The following SH2D2A variants were observed in gnomAD, a reference collection of about 807,000 sequenced individuals.
The protein encoded by SH2D2A is SH2 domain-containing protein 2A.
Under a neutral mutation model 43.6 loss-of-function variants are expected in SH2D2A, and 33 were observed. The ratio of observed to expected loss-of-function variants is 0.76; its 90% CI spans 0.57 to 1.01. SH2D2A has a LOEUF of 1.01. SH2D2A is among the 50% of genes least tolerant of loss of function. SH2D2A has a pLI of 0.00. For missense variants in SH2D2A, 491 were observed against 503.1 expected (o/e 0.98, Z 0.23); for synonymous variants, 212 against 206.1 (o/e 1.03, Z -0.25).
Position 156,813,867 on chromosome 1 carries a change from G to T in SH2D2A, c.548C>A (p.Thr183Asn). Residue 183 changes from threonine to asparagine, a missense_variant, in exon 5 of 9, where the codon ACC becomes AAC. Transcript: ENST00000368199. ...GCGTACCTGTCGGGCGAGGGGCTCG[G>T]TGAGCGTCTCCCCGTAGGGGCTGAG... ...HPLSPYGETL[T>N]EPLARQTPEP... The T allele has an allele frequency of 6.6e-7, 1 of 1,508,326 alleles. No individual in the cohort carries two copies. Among genetic ancestry groups the T allele is most frequent in the Non-Finnish European group, 8.9e-7 (1 of 1,129,280 alleles). The allele number at this position is 1,508,326 out of a possible 1,614,324, so 93.4% of individuals were successfully genotyped here.
At chr1:156,814,421 G>T (rs1347931985) in intron 3 of SH2D2A, 127 bp from the exon 4 acceptor site, 2 of 1,475,642 alleles carry the variant, frequency 1.4e-6, no homozygotes, top group South Asian at 2.7e-5. Flanking sequence ...AGAAAGGCTA[G>T]GGCGGAGATG....
chr1:156,809,086 T>C lies in SH2D2A; in HGVS notation c.1002+117A>G, dbSNP rs1353583688. ...ATCATTCTGTTCTTCCCACATCACC[T>C]CACACCTCTGCCCCTTACCCTGCCC... On this transcript the variant is annotated intron_variant, in intron 7 of 8. Coordinates refer to ENST00000368199, the MANE Select transcript of SH2D2A (RefSeq NM_003975.4). This position sits in a 1 kb window ranked among gnomAD's most constrained non-coding sequence, Gnocchi z 4.8. 3 of 1,077,674 alleles carry C rather than the reference T, an allele frequency of 2.8e-6. No individual in the cohort carries two copies. The highest frequency in any genetic ancestry group is 4.1e-6 in the Non-Finnish European group (3 of 738,344). The allele number at this position is 1,077,674 out of a possible 1,614,324, so 66.8% of individuals were successfully genotyped here.
Position 156,816,218 on chromosome 1 carries a change from C to T in SH2D2A, c.35-124G>A, listed in dbSNP as rs572715724. ...GGGACAGTCTTAACGACAGGAAAAA[C>T]GCAGAAGGGCAGCAGGGGAGTTTCT... is the stretch of plus-strand genomic sequence containing the variant. On this transcript the variant is annotated intron_variant, in intron 1 of 8. Transcript: ENST00000368199. 2.0e-3 allele frequency: 2,842 copies of T among 1,429,820 alleles called. 2 individuals are homozygous for T. Among genetic ancestry groups the T allele is most frequent in the Non-Finnish European group, 2.4e-3 (2,623 of 1,080,850 alleles). The allele number at this position is 1,429,820 out of a possible 1,614,324, so 88.6% of individuals were successfully genotyped here.
rs1259602372 is a variant in SH2D2A at position 156,814,019 on chromosome 1, G to A, written c.399-3C>T. On this transcript the variant is annotated splice_region_variant and splice_polypyrimidine_tract_variant and intron_variant, in intron 4 of 8. Transcript: ENST00000368199. ...AGTGGCGGCAGCAAGTCCGGCTCCT[G>A]GAGGGCGCCGTTAGGGATCAGACTA... The A allele has an allele frequency of 6.7e-7, 1 of 1,503,382 alleles. No homozygotes were observed. The highest frequency in any genetic ancestry group is 8.9e-7 in the Non-Finnish European group (1 of 1,125,056). The allele number at this position is 1,503,382 out of a possible 1,614,324, so 93.1% of individuals were successfully genotyped here.
At chr1:156,815,486 C>A in intron 2 of SH2D2A, 1 of 592,250 alleles carries the variant, frequency 1.7e-6, no homozygotes, top group Non-Finnish European at 3.0e-6. Flanking sequence ...ACACTGTGCT[C>A]TAGGAGGGGC....
In SH2D2A at chr1:156,809,614, C is replaced by G. The variant is rs763664896; in HGVS notation, c.714+47G>C. On this transcript the variant is annotated intron_variant, in intron 6 of 8. Transcript: ENST00000368199. This position sits in a 1 kb window ranked among gnomAD's most constrained non-coding sequence, Gnocchi z 4.8. ...CTCCTCCTCCCCGCTGCCTGCACCC[C>G]CTCGCAGGCCTGTCCTCCCACTCCC... 9.5e-6 allele frequency: 15 copies of G among 1,575,926 alleles called. No individual in the cohort carries two copies. The South Asian group carries it at 1.8e-4, about 18-fold the overall frequency.
rs1312123796 is a variant in SH2D2A at position 156,807,520 on chromosome 1, T to A, written c.1003-175A>T. On this transcript the variant is annotated intron_variant, in intron 7 of 8. Coordinates refer to ENST00000368199, the MANE Select transcript of SH2D2A (RefSeq NM_003975.4). This position sits in a 1 kb window ranked among gnomAD's most constrained non-coding sequence, Gnocchi z 5.1. Reference sequence around the variant, plus strand: ...TGAGCACCTGCTCTGTGCCAGGCACTGGGCTGGGTGCTTTGGAAACAGATG... The same window carrying A: ...TGAGCACCTGCTCTGTGCCAGGCACAGGGCTGGGTGCTTTGGAAACAGATG... Among the ~76,000 whole-genome samples the A allele has an allele frequency of 6.6e-6, 1 of 152,246 alleles. No homozygotes were observed. Among genetic ancestry groups the A allele is most frequent in the African/African-American group, 2.4e-5 (1 of 41,460 alleles).
chr1:156,812,966 G>A lies in SH2D2A; in HGVS notation c.567+882C>T, dbSNP rs564772866. On this transcript the variant is annotated intron_variant, in intron 5 of 8. Transcript: ENST00000368199. ...TCAGCACTGCCTGAACTTGTGCACCGCTGCCTGCTAGGCTAAATGGTACCC... is the reference window on the plus strand; with the variant it reads ...TCAGCACTGCCTGAACTTGTGCACCACTGCCTGCTAGGCTAAATGGTACCC... Among the ~76,000 whole-genome samples the A allele has an allele frequency of 1.6e-4, 25 of 152,272 alleles. No individual in the cohort carries two copies. The South Asian group carries it at 4.8e-3, about 29-fold the overall frequency.
At position 156,809,059 on chromosome 1, in the gene SH2D2A, G is replaced by A; in HGVS notation, c.1002+144C>T. 1.2e-6 allele frequency: 1 copy of A among 854,772 alleles called. No homozygotes were observed. The highest frequency in any genetic ancestry group is 1.8e-6 in the Non-Finnish European group (1 of 552,490). The allele number at this position is 854,772 out of a possible 1,614,324, so 52.9% of individuals were successfully genotyped here. A position where few individuals can be genotyped will look rare whatever the true frequency, so the allele number is the denominator to read the frequency against. ...GCCTGGAGAAGGGAGGCTGGTGCCT[G>A]GATCATTCTGTTCTTCCCACATCAC... On this transcript the variant is annotated intron_variant, in intron 7 of 8. Transcript: ENST00000368199. This position sits in a 1 kb window ranked among gnomAD's most constrained non-coding sequence, Gnocchi z 4.8.
rs1653705418 is a variant in SH2D2A at position 156,814,523 on chromosome 1, C to T, written c.309-229G>A. On this transcript the variant is annotated intron_variant, in intron 3 of 8. Coordinates refer to ENST00000368199, the MANE Select transcript of SH2D2A (RefSeq NM_003975.4). ...CCCATTCAGGAGACCCCCGCATCCT[C>T]CCCTGGCCTCATCCTGAAAGGGCAG... The T allele has an allele frequency of 4.3e-6, 3 of 700,776 alleles. No homozygotes were observed. In the South Asian group the frequency reaches 6.6e-5, roughly 15 times the overall value. The allele number at this position is 700,776 out of a possible 1,614,324, so 43.4% of individuals were successfully genotyped here.
intron 3 of SH2D2A, 88 bp from the exon 4 acceptor site, chr1:156,814,382 C>T (rs1377684877): frequency 5.8e-6 from 9 of 1,539,882 alleles, no homozygotes; most frequent in East Asian, 2.5e-5. Flanking sequence ...GGAACCCCTA[C>T]CCCCAAGCAA....
intron 3 of SH2D2A, 145 bp downstream of exon 3, chr1:156,814,892 T>C (rs1480862907): frequency 2.7e-5 from 16 of 602,652 alleles, no homozygotes; most frequent in East Asian, 2.3e-4. Context: ...AGGAAAACTC[T>C]GGGAGTGGGA....
chr1:156,809,937 G>T lies in SH2D2A; in HGVS notation c.568-130C>A. The T allele has an allele frequency of 9.9e-7, 1 of 1,008,734 alleles. No individual in the cohort carries two copies. 62.5% of individuals were successfully genotyped at this position (1,008,734 alleles called of 1,614,324 possible). ...GGAGGAGCACAGAAATTTGGCCTGG[G>T]CTGGGTTCCCTGGATGAGGAAGAGG... is the stretch of plus-strand genomic sequence containing the variant. On this transcript the variant is annotated intron_variant, in intron 5 of 8. Transcript: ENST00000368199. The surrounding 1 kb of genome is among the most constrained non-coding windows in gnomAD (Gnocchi z 4.8).
At position 156,815,025 on chromosome 1, in the gene SH2D2A, T is replaced by G; in HGVS notation, c.308+12A>C. 4 of 1,501,662 alleles carry G rather than the reference T, an allele frequency of 2.7e-6. No individual in the cohort carries two copies. Among genetic ancestry groups the G allele is most frequent in the Non-Finnish European group, 3.6e-6 (4 of 1,119,600 alleles). The allele number at this position is 1,501,662 out of a possible 1,614,324, so 93.0% of individuals were successfully genotyped here. ...GCCCCTGTCTGGGCCAATTTCCTCC[T>G]CCATGACTCACCTCCGGGTGATGAA... is the stretch of plus-strand genomic sequence containing the variant. On this transcript the variant is annotated intron_variant, in intron 3 of 8. Transcript: ENST00000368199.
At position 156,809,567 on chromosome 1, in the gene SH2D2A, A is replaced by G; in HGVS notation, c.715-77T>C. On this transcript the variant is annotated intron_variant, in intron 6 of 8. Transcript: ENST00000368199. This position sits in a 1 kb window ranked among gnomAD's most constrained non-coding sequence, Gnocchi z 4.8. Reference sequence around the variant, plus strand: ...AAGCCCCAGCCTAACTCCCAGCCTGAGCCTCTGCCCCCGCTAGGCCCCTCC... The same window carrying G: ...AAGCCCCAGCCTAACTCCCAGCCTGGGCCTCTGCCCCCGCTAGGCCCCTCC... The G allele has an allele frequency of 6.4e-7, 1 of 1,553,532 alleles. No homozygotes were observed. The highest frequency in any genetic ancestry group is 8.7e-7 in the Non-Finnish European group (1 of 1,150,036).
chr1:156,814,114 C>A, intron 4 of SH2D2A, 91 bp downstream of exon 4: 1 of 1,547,492 alleles, frequency 6.5e-7, no homozygotes, highest in Non-Finnish European at 8.7e-7. Context: ...GGGGAATGAG[C>A]TAAGAGCCCG....
At position 156,815,168 on chromosome 1, in the gene SH2D2A, T is replaced by C; in HGVS notation, c.177A>G (p.Ala59=). 1 of 1,602,426 alleles carries C rather than the reference T, an allele frequency of 6.2e-7. No individual in the cohort carries two copies. The highest frequency in any genetic ancestry group is 8.5e-7 in the Non-Finnish European group (1 of 1,174,534). The part of the protein sequence containing the change: ...AASNTGNAER[A]EEVPGEGSLF... ...GGCTTCCTTCTCCAGGCACCTCCTC[T>C]GCCCTCTCAGCATTCCCTGTGTTGG... Residue 59 remains alanine (A), a synonymous_variant, in exon 3 of 9, where the codon GCA becomes GCG. Coordinates refer to ENST00000368199, the MANE Select transcript of SH2D2A (RefSeq NM_003975.4).
chr1:156,811,007 A>G (rs1211877335), intron 5 of SH2D2A, among the ~76,000 whole-genome samples: 1 of 152,174 alleles, frequency 6.6e-6, no homozygotes, highest in African/African-American at 2.4e-5. Flanking sequence ...CAATCCACCA[A>G]GTGCATGTCT....
At chr1:156,808,220 G>T (rs1376585293) in intron 7 of SH2D2A, among the ~76,000 whole-genome samples, 1 of 152,128 alleles carries the variant, frequency 6.6e-6, no homozygotes, top group Non-Finnish European at 1.5e-5. Context: ...GTGGCTTACT[G>T]GGGGAGTAAA....
Sources: gnomAD v4.1 joint callset for allele counts (sites outside exome capture counted in the v4.1 genomes callset) on GRCh38, gnomAD v4.1.1 for gene constraint, Gnocchi (gnomAD v3.1) non-coding constraint, MANE v1.5 for transcripts, NCBI Gene and HGNC (gene_info 2026-07-23, HGNC 2026-07-21) for gene names.